The following NPY variants were observed in gnomAD, a reference collection of about 807,000 sequenced individuals.
The protein encoded by NPY is neuropeptide Y, also known as pro-neuropeptide Y.
NPY carries 11 observed loss-of-function variants against 13.2 expected under a neutral mutation model. The observed-to-expected ratio is 0.83, with a 90% confidence interval of 0.52 to 1.38. The LOEUF (loss-of-function observed/expected upper bound fraction) is 1.38. Ranked by LOEUF, NPY falls within the 40% of genes most tolerant of loss-of-function variation. The probability of loss-of-function intolerance (pLI) is 0.00; values close to 1 mark genes in which losing one functional copy is unlikely to be tolerated. For missense variants in NPY, 109 were observed against 125.1 expected (o/e 0.87, Z 0.61); for synonymous variants, 51 against 55.6 (o/e 0.92, Z 0.37).
chr7:24,288,423 A>G lies in NPY; in HGVS notation c.189-1076A>G, dbSNP rs191456706. Among the ~76,000 whole-genome samples, 5 of 152,328 alleles carry G rather than the reference A, an allele frequency of 3.3e-5. No individual in the cohort carries two copies. In the East Asian group the frequency reaches 9.6e-4, roughly 29 times the overall value. ...AATTTAGATATAATTTTGCTTGGCAATTAGAATATACCCTCTGTCAGCTTT... is the reference window on the plus strand; with the variant it reads ...AATTTAGATATAATTTTGCTTGGCAGTTAGAATATACCCTCTGTCAGCTTT... On this transcript the variant is annotated intron_variant, in intron 2 of 3. Transcript: ENST00000242152.
chr7:24,291,263 C>T (rs939088299), intron 3 of NPY, among the ~76,000 whole-genome samples: 2 of 152,128 alleles, frequency 1.3e-5, no homozygotes, highest in Non-Finnish European at 2.9e-5. Flanking sequence ...TAAGTAGCAT[C>T]TTACTACATA....
intron 2 of NPY, among the ~76,000 whole-genome samples, chr7:24,288,589 C>T (rs1165553545): frequency 6.6e-6 from 1 of 150,664 alleles, no homozygotes; most frequent in Non-Finnish European, 1.5e-5. Context: ...ACTTGTCTGG[C>T]CGTTTTGTAG....
At chr7:24,289,436 C>T (rs62448607) in intron 2 of NPY, 63 bp from the exon 3 acceptor site, 95 of 1,155,320 alleles carry the variant, frequency 8.2e-5, no homozygotes, top group Middle Eastern at 2.0e-4. Flanking sequence ...AGACTATCTT[C>T]CTTTTTCCTA....
At chr7:24,289,358 A>G in intron 2 of NPY, 141 bp from the exon 3 acceptor site, 3 of 461,330 alleles carry the variant, frequency 6.5e-6, no homozygotes, top group African/African-American at 6.2e-5. Context: ...TATATGCTTC[A>G]TACACCTAGC....
intron 2 of NPY, among the ~76,000 whole-genome samples, chr7:24,288,687 G>GAAAAA (rs59946765): frequency 5.6e-5 from 5 of 89,024 alleles, no homozygotes; most frequent in South Asian, 3.8e-4. Flanking sequence ...TGCTACAGGA[G>GAAAAA]AAAAAAAAAA....
chr7:24,291,313 G>A (rs528417519), intron 3 of NPY, among the ~76,000 whole-genome samples: 123 of 152,252 alleles, frequency 8.1e-4, no homozygotes, highest in African/African-American at 2.9e-3. Context: ...TAGAGTTGAG[G>A]AACAATAACT....
chr7:24,285,133 G>T lies in NPY; in HGVS notation c.1-108G>T. 8.9e-7 allele frequency: 1 copy of T among 1,123,890 alleles called. No homozygotes were observed. The highest frequency in any genetic ancestry group is 1.3e-6 in the Non-Finnish European group (1 of 754,220). The allele number at this position is 1,123,890 out of a possible 1,614,324, so 69.6% of individuals were successfully genotyped here. ...GGGACTGGGACGAGAGCGGATTGGGGGTCGCGTGTGGTAGCAGGAGGAGGA... is the reference window on the plus strand; with the variant it reads ...GGGACTGGGACGAGAGCGGATTGGGTGTCGCGTGTGGTAGCAGGAGGAGGA... On this transcript the variant is annotated intron_variant, in intron 1 of 3. Coordinates refer to ENST00000242152, the MANE Select transcript of NPY (RefSeq NM_000905.4). The surrounding 1 kb of genome is among the most constrained non-coding windows in gnomAD (Gnocchi z 4.9).
At chr7:24,291,159 A>G (rs1562803883) in intron 3 of NPY, among the ~76,000 whole-genome samples, 1 of 152,000 alleles carries the variant, frequency 6.6e-6, no homozygotes, top group Non-Finnish European at 1.5e-5. Flanking sequence ...TGATTGACAG[A>G]CTCCATCAGG....
rs1787333483 is a variant in NPY, at chr7:24,285,642, C to T, written c.188+214C>T. 6.6e-6 allele frequency among the ~76,000 whole-genome samples: 1 copy of T among 152,100 alleles called. No individual in the cohort carries two copies. Among genetic ancestry groups the T allele is most frequent in the Non-Finnish European group, 1.5e-5 (1 of 68,018 alleles). ...TTTTGTGCAACTACAGTCACAGAGT[C>T]GTGATCCCCAGATTCAGGTTCCCCA... is the stretch of plus-strand genomic sequence containing the variant. On this transcript the variant is annotated intron_variant, in intron 2 of 3. Coordinates refer to ENST00000242152, the MANE Select transcript of NPY (RefSeq NM_000905.4). This position sits in a 1 kb window ranked among gnomAD's most constrained non-coding sequence, Gnocchi z 4.9.
In NPY at chr7:24,285,092, C is replaced by T. The variant is rs1787309723; in HGVS notation, c.1-149C>T. The T allele has an allele frequency of 1.2e-6, 1 of 826,394 alleles. No homozygotes were observed. The allele number at this position is 826,394 out of a possible 1,614,324, so 51.2% of individuals were successfully genotyped here. On this transcript the variant is annotated intron_variant, in intron 1 of 3. Coordinates refer to ENST00000242152, the MANE Select transcript of NPY (RefSeq NM_000905.4). This position sits in a 1 kb window ranked among gnomAD's most constrained non-coding sequence, Gnocchi z 4.9. ...AGCCCGCAAGGTGGTGCTAGCCACT[C>T]CTGGGTTCTCTCTGCGGGACTGGGA...
rs542021314 is a variant in NPY at position 24,285,670 on chromosome 7, C to G, written c.188+242C>G. Reference sequence around the variant, plus strand: ...GATCCCCAGATTCAGGTTCCCCAGGCTGGTAGGCTGGCAATCTCCTCTCAC... The same window carrying G: ...GATCCCCAGATTCAGGTTCCCCAGGGTGGTAGGCTGGCAATCTCCTCTCAC... On this transcript the variant is annotated intron_variant, in intron 2 of 3. Transcript: ENST00000242152. The surrounding 1 kb of genome is among the most constrained non-coding windows in gnomAD (Gnocchi z 4.9). 6.6e-6 allele frequency among the ~76,000 whole-genome samples: 1 copy of G among 152,230 alleles called. No individual in the cohort carries two copies. Among genetic ancestry groups the G allele is most frequent in the Admixed American group, 6.5e-5 (1 of 15,304 alleles).
intron 3 of NPY, 35 bp downstream of exon 3, chr7:24,289,614 G>C (rs779220659): frequency 1.3e-5 from 20 of 1,550,330 alleles, no homozygotes; most frequent in African/African-American, 1.4e-5. Flanking sequence ...CATTGTTGCA[G>C]AGCTCAAGGT....
intron 2 of NPY, among the ~76,000 whole-genome samples, chr7:24,286,043 G>T (rs1162365786): frequency 6.6e-6 from 1 of 152,192 alleles, no homozygotes; most frequent in African/African-American, 2.4e-5. Context: ...GATTTAGCCT[G>T]AAAACAGTTT....
rs1204185515 is a variant in NPY at position 24,285,106 on chromosome 7, G to A, written c.1-135G>A. On this transcript the variant is annotated intron_variant, in intron 1 of 3. Coordinates refer to ENST00000242152, the MANE Select transcript of NPY (RefSeq NM_000905.4). This position sits in a 1 kb window ranked among gnomAD's most constrained non-coding sequence, Gnocchi z 4.9. ...TGCTAGCCACTCCTGGGTTCTCTCT[G>A]CGGGACTGGGACGAGAGCGGATTGG... 79 of 936,880 alleles carry A rather than the reference G, an allele frequency of 8.4e-5. No individual in the cohort carries two copies. In the South Asian group the frequency reaches 1.2e-3, roughly 14 times the overall value. The allele number at this position is 936,880 out of a possible 1,614,324, so 58.0% of individuals were successfully genotyped here. A position where few individuals can be genotyped will look rare whatever the true frequency, so the allele number is the denominator to read the frequency against.
At position 24,289,547 on chromosome 7, in the gene NPY, G is replaced by A. The variant is rs1787523060; in HGVS notation, c.237G>A (p.Met79Ile). The change falls in exon 3 of 4, where the codon ATG becomes ATA. Residue 79 changes from methionine to isoleucine, a missense_variant. Met to Ile is a conservative substitution (Grantham distance 10). Transcript: ENST00000242152. ...AGACACTGATTTCAGACCTCTTGAT[G>A]AGAGAAAGCACAGAAAATGTTCCCA... ...SPETLISDLL[M>I]RESTENVPRT... is the part of the protein sequence containing the mutation. 1 of 1,610,942 alleles carries A rather than the reference G, an allele frequency of 6.2e-7. No homozygotes were observed. Among genetic ancestry groups the A allele is most frequent in the Non-Finnish European group, 8.5e-7 (1 of 1,178,530 alleles).
chr7:24,289,602 G>A (rs373759157), intron 3 of NPY, 23 bp downstream of exon 3: 2 of 1,591,464 alleles, frequency 1.3e-6, no homozygotes, highest in Non-Finnish European at 8.6e-7. Context: ...TTGTGATGGG[G>A]ACATTGTTGC....
intron 3 of NPY, among the ~76,000 whole-genome samples, chr7:24,290,243 A>C (rs1201134887): frequency 2.6e-5 from 4 of 152,110 alleles, no homozygotes; most frequent in Non-Finnish European, 5.9e-5. Context: ...CATTGAGCTA[A>C]GGTTTTCTGG....
At position 24,290,797 on chromosome 7, in the gene NPY, C is replaced by G. The variant is rs1021976902; in HGVS notation, c.270-866C>G. Among the ~76,000 whole-genome samples, 9 of 39,828 alleles carry G rather than the reference C, an allele frequency of 2.3e-4. No individual in the cohort carries two copies. The Admixed American group carries it at 2.5e-3, about 11-fold the overall frequency. The allele number at this position is 39,828 out of a possible 152,430, so 26.1% of individuals were successfully genotyped here. A position where few individuals can be genotyped will look rare whatever the true frequency, so the allele number is the denominator to read the frequency against. ...AATAATTATTATTATTATTCAGAGACAAGGTCTCCTTCTGTCACTCAGGCC... is the reference window on the plus strand; with the variant it reads ...AATAATTATTATTATTATTCAGAGAGAAGGTCTCCTTCTGTCACTCAGGCC... On this transcript the variant is annotated intron_variant, in intron 3 of 3. Coordinates refer to ENST00000242152, the MANE Select transcript of NPY (RefSeq NM_000905.4).
Position 24,289,576 on chromosome 7 carries a change from C to G in NPY, c.266C>G (p.Thr89Ser). The change falls in exon 3 of 4, where the codon ACT becomes AGT. Residue 89 changes from threonine to serine, a missense_variant. Thr to Ser is a moderately conservative substitution (Grantham distance 58). Transcript: ENST00000242152. ...MRESTENVPRTRLEDPAMW is the reference protein window; with the variant it reads ...MRESTENVPRSRLEDPAMW ...GAAAGCACAGAAAATGTTCCCAGAA[C>G]TCGGTATGACAAGGCTTGTGATGGG... The G allele has an allele frequency of 5.0e-6, 8 of 1,608,608 alleles. No individual in the cohort carries two copies. The highest frequency in any genetic ancestry group is 6.8e-6 in the Non-Finnish European group (8 of 1,177,150).
Sources: allele counts gnomAD v4.1 joint callset (sites outside exome capture counted in the v4.1 genomes callset), GRCh38; gene constraint gnomAD v4.1.1; non-coding constraint Gnocchi (gnomAD v3.1); transcripts MANE v1.5; gene names NCBI Gene and HGNC (gene_info 2026-07-23, HGNC 2026-07-21).